The following NAALADL2 variants were observed in gnomAD, a reference collection of about 807,000 sequenced individuals.
NAALADL2 encodes the protein inactive N-acetylated-alpha-linked acidic dipeptidase-like protein 2.
A neutral mutation model predicts 87.2 loss-of-function variants in NAALADL2; 76 were observed. That is an observed-to-expected ratio of 0.87 (90% confidence interval 0.72 to 1.05). The LOEUF (loss-of-function observed/expected upper bound fraction) is 1.05, where lower values mean the gene tolerates loss of function less well. Ranked by LOEUF, NAALADL2 falls within the 50% of genes least tolerant of loss-of-function variation. The probability of loss-of-function intolerance (pLI) is 0.00; values close to 1 mark genes in which losing one functional copy is unlikely to be tolerated. For synonymous variants in NAALADL2, 354 were observed against 331.0 expected (o/e 1.07, Z -0.75); for missense variants, 1,089 against 945.8 (o/e 1.15, Z -1.99).
intron 1 of NAALADL2, among the ~76,000 whole-genome samples, chr3:175,089,299 C>T (rs940263962): frequency 6.6e-6 from 1 of 152,054 alleles, no homozygotes; most frequent in Non-Finnish European, 1.5e-5. Context: ...GGTACCATAA[C>T]CAGGGATTAA....
At chr3:174,763,119 T>C (rs994255162) in intron 3 of NAALADL2, among the ~76,000 whole-genome samples, 8 of 151,770 alleles carry the variant, frequency 5.3e-5, no homozygotes, top group African/African-American at 1.9e-4. Context: ...CTCACTAAAA[T>C]ATTAGGTTAA....
chr3:175,002,019 A>G (rs1237431618), intron 1 of NAALADL2, among the ~76,000 whole-genome samples: 2 of 152,174 alleles, frequency 1.3e-5, no homozygotes, highest in Non-Finnish European at 2.9e-5. Flanking sequence ...CATGCCCAAA[A>G]TAGGTAATAA....
At chr3:174,873,367 G>A (rs1728098539) in intron 1 of NAALADL2, among the ~76,000 whole-genome samples, 1 of 151,902 alleles carries the variant, frequency 6.6e-6, no homozygotes. Flanking sequence ...TGATTCTCCT[G>A]CCTCAGCCTC....
intron 9 of NAALADL2, among the ~76,000 whole-genome samples, chr3:175,557,034 A>C (rs1181033017): frequency 6.6e-6 from 1 of 152,236 alleles, no homozygotes; most frequent in African/African-American, 2.4e-5. Context: ...ATGGAAATGT[A>C]CATAAAAGTG....
chr3:175,643,915 G>T (rs1036968375), intron 11 of NAALADL2, among the ~76,000 whole-genome samples: 1 of 152,094 alleles, frequency 6.6e-6, no homozygotes, highest in South Asian at 2.1e-4. Flanking sequence ...GTAATCATAT[G>T]TGTGGCAATT....
At chr3:175,167,685 G>A (rs1311268246) in intron 2 of NAALADL2, among the ~76,000 whole-genome samples, 2 of 152,040 alleles carry the variant, frequency 1.3e-5, no homozygotes, top group African/African-American at 4.8e-5. Flanking sequence ...TATAATCTTT[G>A]AATATACGTT....
intron 3 of NAALADL2, among the ~76,000 whole-genome samples, chr3:174,748,582 A>G (rs1365186556): frequency 6.6e-6 from 1 of 152,182 alleles, no homozygotes; most frequent in African/African-American, 2.4e-5. Context: ...GCACCAGGAG[A>G]CTAATACAAT....
chr3:174,645,887 C>T (rs549566123), intron 2 of NAALADL2, among the ~76,000 whole-genome samples: 29 of 152,170 alleles, frequency 1.9e-4, no homozygotes, highest in African/African-American at 7.0e-4. Context: ...TGGAGTCATG[C>T]TGTTCTTATA....
At chr3:175,543,280 T>C (rs1309662188) in intron 9 of NAALADL2, among the ~76,000 whole-genome samples, 1 of 152,136 alleles carries the variant, frequency 6.6e-6, no homozygotes, top group Non-Finnish European at 1.5e-5. Context: ...GAATGTCTTG[T>C]AGGTCAGTAA....
chr3:175,592,655 T>C (rs185710306), intron 10 of NAALADL2, among the ~76,000 whole-genome samples: 53 of 147,646 alleles, frequency 3.6e-4, no homozygotes, highest in Non-Finnish European at 6.5e-4. Flanking sequence ...AATCAAACAC[T>C]GCATATTCTC....
intron 2 of NAALADL2, among the ~76,000 whole-genome samples, chr3:174,567,507 T>C (rs1016987776): frequency 7.3e-5 from 11 of 151,610 alleles, no homozygotes; most frequent in African/African-American, 2.2e-4. Flanking sequence ...CAAATTTTAG[T>C]GCATATTAAG....
intron 13 of NAALADL2, among the ~76,000 whole-genome samples, chr3:175,800,148 C>T (rs1753973390): frequency 6.6e-6 from 1 of 152,122 alleles, no homozygotes; most frequent in African/African-American, 2.4e-5. Context: ...CAATGTGGAT[C>T]AAGCCAGCAG....
At chr3:174,638,125 T>C (rs1368597580) in intron 2 of NAALADL2, among the ~76,000 whole-genome samples, 2 of 152,150 alleles carry the variant, frequency 1.3e-5, no homozygotes, top group African/African-American at 4.8e-5. Flanking sequence ...ATAATTTAAA[T>C]AAAAATATTT....
chr3:175,682,356 A>T (rs921137255), intron 11 of NAALADL2, among the ~76,000 whole-genome samples: 4 of 152,052 alleles, frequency 2.6e-5, no homozygotes, highest in African/African-American at 9.7e-5. Flanking sequence ...CTTGGGAATA[A>T]AAATCTAGTT....
intron 2 of NAALADL2, among the ~76,000 whole-genome samples, chr3:174,731,969 A>ATGGTG (rs1195498547): frequency 5.3e-5 from 8 of 152,282 alleles, no homozygotes; most frequent in African/African-American, 1.9e-4. Context: ...ATAGCAGGAA[A>ATGGTG]GCCACCATAA....
At position 175,341,801 on chromosome 3, in the gene NAALADL2, G is replaced by T. The variant is rs1322886898; in HGVS notation, c.1090+17476G>T. Among the ~76,000 whole-genome samples, 5 of 152,024 alleles carry T rather than the reference G, an allele frequency of 3.3e-5. No homozygotes were observed. In the South Asian group the frequency reaches 1.0e-3, roughly 32 times the overall value. On this transcript the variant is annotated intron_variant, in intron 5 of 13. Transcript: ENST00000454872. ...ACCTATGTTTCCTTCTAAGAGTTTTGTAGTTTTAGCTCTCACATTTAGGTC... is the reference window on the plus strand; with the variant it reads ...ACCTATGTTTCCTTCTAAGAGTTTTTTAGTTTTAGCTCTCACATTTAGGTC...
At chr3:174,713,337 T>C (rs1730863651) in intron 2 of NAALADL2, among the ~76,000 whole-genome samples, 1 of 152,170 alleles carries the variant, frequency 6.6e-6, no homozygotes, top group Non-Finnish European at 1.5e-5. Context: ...GATTGGTGGG[T>C]CAAATGGTAT....
chr3:175,641,982 T>C (rs1729351076), intron 11 of NAALADL2, among the ~76,000 whole-genome samples: 1 of 152,190 alleles, frequency 6.6e-6, no homozygotes, highest in Non-Finnish European at 1.5e-5. Context: ...GTATACAGCA[T>C]ATTTATGTAT....
chr3:175,584,461 T>A (rs752718823), intron 10 of NAALADL2, among the ~76,000 whole-genome samples: 1 of 152,234 alleles, frequency 6.6e-6, no homozygotes, highest in Non-Finnish European at 1.5e-5. Flanking sequence ...TCACCAGATT[T>A]CTGGACTCTT....
Sources: allele counts gnomAD v4.1 joint callset (sites outside exome capture counted in the v4.1 genomes callset), GRCh38; gene constraint gnomAD v4.1.1; transcripts MANE v1.5; gene names NCBI Gene and HGNC (gene_info 2026-07-23, HGNC 2026-07-21).